The following ANXA6 variants were observed in gnomAD, a reference collection of about 807,000 sequenced individuals.
The protein encoded by ANXA6 is 67 kDa calelectrin.
Under a neutral mutation model 95.4 loss-of-function variants are expected in ANXA6, and 71 were observed. The ratio of observed to expected loss-of-function variants is 0.74; its 90% CI spans 0.61 to 0.91. The LOEUF (loss-of-function observed/expected upper bound fraction) is 0.91, where lower values mean the gene tolerates loss of function less well. Ranked by LOEUF, ANXA6 falls within the 40% of genes least tolerant of loss-of-function variation. The pLI is 0.00. For synonymous variants in ANXA6, 289 were observed against 315.9 expected, an observed-to-expected ratio of 0.91 and a Z score of 0.90; for missense variants, 830 against 876.4, an observed-to-expected ratio of 0.95 and a Z score of 0.67.
chr5:151,147,359 C>T (rs1031855724), intron 2 of ANXA6, among the ~76,000 whole-genome samples: 1 of 152,250 alleles, frequency 6.6e-6, no homozygotes, highest in African/African-American at 2.4e-5. Flanking sequence ...GTGGGACCAA[C>T]TCCACCTCCT....
At chr5:151,154,515 T>C (rs1304166996) in intron 1 of ANXA6, among the ~76,000 whole-genome samples, 2 of 152,152 alleles carry the variant, frequency 1.3e-5, no homozygotes, top group Non-Finnish European at 2.9e-5. Context: ...AGAAGGCCCC[T>C]GGCCTATAAA....
intron 20 of ANXA6, among the ~76,000 whole-genome samples, chr5:151,113,001 G>A (rs4958441): frequency 0.19 from 28,790 of 152,152 alleles, 4,816 homozygotes; most frequent in African/African-American, 0.45. Flanking sequence ...TGACTGTTGA[G>A]TGGGTCCAGA....
chr5:151,133,398 C>G lies in ANXA6; in HGVS notation c.547-211G>C, dbSNP rs141553409. 2.2e-5 allele frequency: 12 copies of G among 550,694 alleles called. No individual in the cohort carries two copies. In the African/African-American group the frequency reaches 2.3e-4, roughly 10 times the overall value. 34.1% of individuals were successfully genotyped at this position (550,694 alleles called of 1,614,324 possible). A position where few individuals can be genotyped will look rare whatever the true frequency, so the allele number is the denominator to read the frequency against. Reference sequence around the variant, plus strand: ...TTAGGCGACTTTGCCATTGTGTGATCATAGAGCACTCGCACACACCTAGAT... The same window carrying G: ...TTAGGCGACTTTGCCATTGTGTGATGATAGAGCACTCGCACACACCTAGAT... On this transcript the variant is annotated intron_variant, in intron 8 of 25. Transcript: ENST00000354546.
In ANXA6 at chr5:151,119,342, T is replaced by C. The variant is rs758275382; in HGVS notation, c.1396A>G (p.Thr466Ala). The C allele has an allele frequency of 3.7e-6, 6 of 1,613,652 alleles. No homozygotes were observed. Among genetic ancestry groups the C allele is most frequent in the Non-Finnish European group, 5.1e-6 (6 of 1,179,866 alleles). The change falls in exon 18 of 26, where the codon ACC becomes GCC. Residue 466 changes from threonine to alanine, a missense_variant. Thr to Ala is a moderately conservative substitution (Grantham distance 58). Transcript: ENST00000354546. Reference protein sequence around the residue: ...KALIEILATRTNAEIRAINEA... With the variant: ...KALIEILATRANAEIRAINEA... ...TTGATGGCCCGGATTTCAGCATTGG[T>C]CCGAGTGGCCAGGATTTCAATAAGA... is the stretch of plus-strand genomic sequence containing the variant.
intron 1 of ANXA6, chr5:151,151,418 C>T (rs1054779675): frequency 6.6e-6 from 1 of 152,194 alleles, no homozygotes; most frequent in Non-Finnish European, 1.5e-5. Flanking sequence ...GAGAAAGTGA[C>T]TTGCCAGGGC....
chr5:151,129,570 A>T, intron 11 of ANXA6, 41 bp from the exon 12 acceptor site: 1 of 1,563,664 alleles, frequency 6.4e-7, no homozygotes, highest in Non-Finnish European at 8.7e-7. Flanking sequence ...ACTTGAGAGG[A>T]GGCTAGAGTG....
intron 13 of ANXA6, among the ~76,000 whole-genome samples, chr5:151,126,870 T>C (rs1200163738): frequency 1.3e-5 from 2 of 152,114 alleles, no homozygotes; most frequent in Non-Finnish European, 2.9e-5. Context: ...GCACCCGCCA[T>C]CACGCCTGGC....
At chr5:151,126,577 C>T (rs1765326173) in intron 13 of ANXA6, 97 bp from the exon 14 acceptor site, 14 of 874,240 alleles carry the variant, frequency 1.6e-5, no homozygotes, top group East Asian at 2.6e-5. Flanking sequence ...CACACCCCAA[C>T]ACATACACAC....
At chr5:151,104,960 T>G (rs1764655241) in intron 24 of ANXA6, among the ~76,000 whole-genome samples, 1 of 152,248 alleles carries the variant, frequency 6.6e-6, no homozygotes, top group African/African-American at 2.4e-5. Context: ...ACAGCATCCC[T>G]GTTCTGTCCC....
chr5:151,147,355 C>T (rs977219298), intron 2 of ANXA6, among the ~76,000 whole-genome samples: 1 of 152,214 alleles, frequency 6.6e-6, no homozygotes, highest in Non-Finnish European at 1.5e-5. Context: ...TCAGGTGGGA[C>T]CAACTCCACC....
At chr5:151,131,873 C>T (rs1296673939) in intron 10 of ANXA6, among the ~76,000 whole-genome samples, 13 of 152,088 alleles carry the variant, frequency 8.5e-5, no homozygotes. Context: ...ATCCTTCCTG[C>T]CCCCACACCC....
intron 11 of ANXA6, 89 bp from the exon 12 acceptor site, chr5:151,129,618 T>C: frequency 7.0e-7 from 1 of 1,428,868 alleles, no homozygotes; most frequent in Non-Finnish European, 9.4e-7. Context: ...CCTATTTTCA[T>C]AATAAAAAGT....
At chr5:151,137,064 A>G in intron 6 of ANXA6, 167 bp downstream of exon 6, 1 of 616,290 alleles carries the variant, frequency 1.6e-6, no homozygotes, top group Non-Finnish European at 2.8e-6. Context: ...AACCTAGCAC[A>G]TCACCCAGCA....
intron 13 of ANXA6, among the ~76,000 whole-genome samples, chr5:151,127,089 C>T (rs1216984030): frequency 6.6e-6 from 1 of 152,216 alleles, no homozygotes; most frequent in African/African-American, 2.4e-5. Context: ...AATCCTTCAG[C>T]CTCCCCTTTC....
At chr5:151,154,295 G>GCA (rs1766178930) in intron 1 of ANXA6, among the ~76,000 whole-genome samples, 1 of 138,944 alleles carries the variant, frequency 7.2e-6, no homozygotes, top group South Asian at 2.2e-4. Context: ...GCAGTTTGCA[G>GCA]TATATATATA....
Position 151,129,419 on chromosome 5 carries a change from G to A in ANXA6, c.906C>T (p.Tyr302=), listed in dbSNP as rs200634493. The A allele has an allele frequency of 1.2e-6, 2 of 1,613,510 alleles. No homozygotes were observed. The highest frequency in any genetic ancestry group is 1.7e-6 in the Non-Finnish European group (2 of 1,179,866). Residue 302 remains tyrosine (Y), a synonymous_variant, in exon 12 of 26, where the codon TAC becomes TAT. Coordinates refer to ENST00000354546, the MANE Select transcript of ANXA6 (RefSeq NM_001155.5). ...IFRTKYEKSL[Y]SMIKNDTSGE... Reference sequence around the variant, plus strand: ...GAGCTCTGCTGACCTTGATCATGCTGTAGAGGGACTTCTCATACTTGGTCC... The same window carrying A: ...GAGCTCTGCTGACCTTGATCATGCTATAGAGGGACTTCTCATACTTGGTCC...
Position 151,129,444 on chromosome 5 carries a change from C to G in ANXA6, c.881G>C (p.Arg294Pro). The G allele has an allele frequency of 2.5e-6, 4 of 1,613,446 alleles. No individual in the cohort carries two copies. The highest frequency in any genetic ancestry group is 2.5e-6 in the Non-Finnish European group (3 of 1,179,838). ...LDMLDIREIF[R>P]TKYEKSLYSM... is the part of the protein sequence containing the mutation. Reference sequence around the variant, plus strand: ...GTAGAGGGACTTCTCATACTTGGTCCGGAAGATCTCCCGAATGTCGAGCAT... The same window carrying G: ...GTAGAGGGACTTCTCATACTTGGTCGGGAAGATCTCCCGAATGTCGAGCAT... Residue 294 changes from arginine (R) to proline (P), a missense_variant, in exon 12 of 26, where the codon CGG becomes CCG. By Grantham distance (103) the Arg-to-Pro change is moderately radical (BLOSUM62 -2). Coordinates refer to ENST00000354546, the MANE Select transcript of ANXA6 (RefSeq NM_001155.5).
intron 1 of ANXA6, among the ~76,000 whole-genome samples, chr5:151,154,193 C>A (rs1363563): frequency 1.3e-5 from 2 of 151,270 alleles, no homozygotes; most frequent in Non-Finnish European, 2.9e-5. Context: ...TCCTACAAAC[C>A]AGGCCCACTG....
At chr5:151,126,218 G>A (rs1161547149) in intron 14 of ANXA6, among the ~76,000 whole-genome samples, 184 bp downstream of exon 14, 1 of 152,154 alleles carries the variant, frequency 6.6e-6, no homozygotes, top group Admixed American at 6.5e-5. Flanking sequence ...AGAAGCTAAT[G>A]CAGAAACCAG....
Sources: gnomAD v4.1 joint callset for allele counts (sites outside exome capture counted in the v4.1 genomes callset) on GRCh38, gnomAD v4.1.1 for gene constraint, MANE v1.5 for transcripts, NCBI Gene and HGNC (gene_info 2026-07-23, HGNC 2026-07-21) for gene names.